Variants in S100Z observed in about 807,000 individuals in gnomAD.
S100Z encodes protein S100-Z.
In S100Z, 11 loss-of-function variants were observed where a neutral mutation model predicts 8.5. The ratio of observed to expected loss-of-function variants is 1.30; its 90% CI spans 0.82 to 2.15. S100Z has a LOEUF of 2.15. S100Z is among the 30% of genes most tolerant of loss of function. The pLI, the probability that S100Z is intolerant of heterozygous loss-of-function variation, is 0.00. For synonymous variants in S100Z, 34 were observed against 43.8 expected (o/e 0.78, Z 0.89); for missense variants, 126 against 117.9 (o/e 1.07, Z -0.32).
intron 2 of S100Z, among the ~76,000 whole-genome samples, chr5:76,872,222 G>A (rs1325370523): frequency 6.6e-6 from 1 of 152,122 alleles, no homozygotes; most frequent in Non-Finnish European, 1.5e-5. Context: ...ACTCCAGTCT[G>A]GGTGACAGCG....
intron 2 of S100Z, among the ~76,000 whole-genome samples, chr5:76,871,804 G>A (rs955895974): frequency 6.6e-6 from 1 of 152,230 alleles, no homozygotes; most frequent in Non-Finnish European, 1.5e-5. Flanking sequence ...TGGGATTACA[G>A]GCGTGAGCCA....
At chr5:76,851,264 C>T (rs1184634100) in intron 1 of S100Z, among the ~76,000 whole-genome samples, 2 of 152,142 alleles carry the variant, frequency 1.3e-5, no homozygotes, top group Non-Finnish European at 2.9e-5. Context: ...GGTGGGCACA[C>T]TGCGGGGAGT....
At chr5:76,877,583 A>G (rs1743241419) in intron 3 of S100Z, 91 bp from the exon 4 acceptor site, 2 of 805,546 alleles carry the variant, frequency 2.5e-6, no homozygotes, top group Non-Finnish European at 4.1e-6. Flanking sequence ...AATGGAAATT[A>G]GGAATTTAAT....
chr5:76,852,097 A>C (rs1373049794), intron 1 of S100Z, among the ~76,000 whole-genome samples: 1 of 151,186 alleles, frequency 6.6e-6, no homozygotes, highest in Non-Finnish European at 1.5e-5. Context: ...GCTCTGAGCC[A>C]TATCCCATCT....
downstream of S100Z, among the ~76,000 whole-genome samples, chr5:76,921,988 CAAA>C (rs35018497): frequency 8.7e-5 from 10 of 114,694 alleles, no homozygotes; most frequent in Non-Finnish European, 8.9e-5. Flanking sequence ...GAGACTGTCT[CAAA>C]AAAAAAAAAA....
chr5:76,942,553 A>G, the S100Z span, among the ~76,000 whole-genome samples: 1 of 152,210 alleles, frequency 6.6e-6, no homozygotes, highest in Non-Finnish European at 1.5e-5. Context: ...AAATGTCAGC[A>G]TTGAAAAAGG....
chr5:76,903,007 G>A (rs1048003958), intron 4 of S100Z, among the ~76,000 whole-genome samples: 1 of 152,080 alleles, frequency 6.6e-6, no homozygotes, highest in African/African-American at 2.4e-5. Flanking sequence ...CCAACATGGC[G>A]AAACCCCATC....
downstream of S100Z, among the ~76,000 whole-genome samples, chr5:76,925,159 T>TAG (rs3060357): frequency 1.3e-5 from 2 of 150,920 alleles, no homozygotes. Flanking sequence ...AGTGGCTAGA[T>TAG]AGAGAGAGAG....
intron 1 of S100Z, among the ~76,000 whole-genome samples, 178 bp downstream of exon 1, chr5:76,850,333 G>GCAGAGAGAGA (rs146055376): frequency 8.2e-6 from 1 of 122,596 alleles, no homozygotes; most frequent in African/African-American, 3.2e-5. Context: ...CGGGGGGGTG[G>GCAGAGAGAGA]GGGAGAGAGA....
intron 4 of S100Z, among the ~76,000 whole-genome samples, chr5:76,879,398 C>T (rs569120134): frequency 2.0e-5 from 3 of 152,254 alleles, no homozygotes; most frequent in African/African-American, 7.2e-5. Flanking sequence ...TACATGCAAC[C>T]AAACACAATC....
intron 2 of S100Z, 61 bp from the exon 3 acceptor site, chr5:76,875,243 A>C: frequency 1.1e-6 from 1 of 907,080 alleles, no homozygotes; most frequent in Non-Finnish European, 1.6e-6. Flanking sequence ...GACTCGGGGG[A>C]TTGTAATATT....
chr5:76,919,797 TCTC>T (rs1744979838), intron 4 of S100Z, among the ~76,000 whole-genome samples: 1 of 151,804 alleles, frequency 6.6e-6, no homozygotes, highest in African/African-American at 2.4e-5. Context: ...AGAGATGAGA[TCTC>T]ATCATCCTTC....
intron 1 of S100Z, among the ~76,000 whole-genome samples, chr5:76,854,099 A>G (rs1750809619): frequency 6.6e-6 from 1 of 152,188 alleles, no homozygotes; most frequent in South Asian, 2.1e-4. Context: ...CGGCCTGTGG[A>G]ACTGTGAGCC....
chr5:76,927,706 C>T, the S100Z span, among the ~76,000 whole-genome samples: 2 of 152,152 alleles, frequency 1.3e-5, no homozygotes, highest in African/African-American at 4.8e-5. Flanking sequence ...TTATGAACAA[C>T]AGTTGTAGAA....
chr5:76,940,220 A>G, the S100Z span, among the ~76,000 whole-genome samples: 113,655 of 150,218 alleles, frequency 0.76, 43,419 homozygotes, highest in East Asian at 0.93. Context: ...AAGAGAAAAA[A>G]AGCAACTGTC....
chr5:76,875,034 G>A (rs1001893524), intron 2 of S100Z, among the ~76,000 whole-genome samples: 1 of 152,050 alleles, frequency 6.6e-6, no homozygotes, highest in Non-Finnish European at 1.5e-5. Context: ...GACTACAGGC[G>A]CCCGCCGCCG....
intron 4 of S100Z, among the ~76,000 whole-genome samples, chr5:76,912,055 G>A (rs555016405): frequency 6.7e-6 from 1 of 150,340 alleles, no homozygotes; most frequent in East Asian, 2.0e-4. Context: ...AGTAGCAAAA[G>A]GCTGGCCTCA....
At chr5:76,873,561 G>A (rs1337001258) in intron 2 of S100Z, among the ~76,000 whole-genome samples, 3 of 152,070 alleles carry the variant, frequency 2.0e-5, no homozygotes, top group Admixed American at 6.5e-5. Context: ...GCCTCCCAAC[G>A]TGCTGGGATT....
chr5:76,866,029 A>G (rs561348550), intron 1 of S100Z, among the ~76,000 whole-genome samples: 1 of 151,772 alleles, frequency 6.6e-6, no homozygotes, highest in South Asian at 2.1e-4. Flanking sequence ...AAAAAAAGAA[A>G]AAAAAAAAGT....
Sources: allele counts gnomAD v4.1 joint callset (sites outside exome capture counted in the v4.1 genomes callset), GRCh38; gene constraint gnomAD v4.1.1; transcripts MANE v1.5; gene names NCBI Gene and HGNC (gene_info 2026-07-23, HGNC 2026-07-21).